The following GPC5 variants were observed in gnomAD, a reference collection of about 807,000 sequenced individuals.
GPC5 encodes the protein glypican-5.
In GPC5, 47 loss-of-function variants were observed where a neutral mutation model predicts 53.9. That is an observed-to-expected ratio of 0.87 (90% confidence interval 0.69 to 1.11). GPC5 has a LOEUF of 1.11. GPC5 is among the 50% of genes most tolerant of loss of function. The pLI is 0.00. For synonymous variants in GPC5, 286 were observed against 263.3 expected, an observed-to-expected ratio of 1.09 and a Z score of -0.84; for missense variants, 748 against 713.1, an observed-to-expected ratio of 1.05 and a Z score of -0.56.
At chr13:92,613,330 A>ATAAATATATAATATATTTATATATAAAT (rs1173655761) in intron 7 of GPC5, among the ~76,000 whole-genome samples, 36 of 99,186 alleles carry the variant, frequency 3.6e-4, no homozygotes, top group African/African-American at 1.4e-3. Flanking sequence ...ATATTTATAT[A>ATAAATATATAATATATTTATATATAAAT]ATATAATATA....
chr13:92,015,279 T>C (rs950892651), intron 6 of GPC5, among the ~76,000 whole-genome samples: 1 of 152,192 alleles, frequency 6.6e-6, no homozygotes, highest in African/African-American at 2.4e-5. Flanking sequence ...AGAAACCCTG[T>C]CTTAGATTGA....
rs180681075 is a variant in GPC5 at position 92,575,821 on chromosome 13, G to T, written c.1562-290461G>T. Among the ~76,000 whole-genome samples, 422 of 152,182 alleles carry T rather than the reference G, an allele frequency of 2.8e-3. 1 individual carries two copies. Among genetic ancestry groups the T allele is most frequent in the African/African-American group, 9.6e-3 (399 of 41,538 alleles). On this transcript the variant is annotated intron_variant, in intron 7 of 7. Coordinates refer to ENST00000377067, the MANE Select transcript of GPC5 (RefSeq NM_004466.6). ...TTAACTCCAGTGTATCTTCAGTCTT[G>T]CCCTAGAAGCCAGATTCAGATTCAG...
chr13:92,673,388 T>C (rs924460696), intron 7 of GPC5, among the ~76,000 whole-genome samples: 1 of 151,970 alleles, frequency 6.6e-6, no homozygotes, highest in African/African-American at 2.4e-5. Flanking sequence ...TTCAAGTGAT[T>C]CTCCTGCCTC....
At chr13:91,871,952 A>G (rs2039150007) in intron 5 of GPC5, among the ~76,000 whole-genome samples, 1 of 152,144 alleles carries the variant, frequency 6.6e-6, no homozygotes, top group Admixed American at 6.6e-5. Context: ...AGGTCACCGA[A>G]GGCAAAATTG....
At chr13:91,621,204 T>C (rs1694861174) in intron 2 of GPC5, among the ~76,000 whole-genome samples, 1 of 152,160 alleles carries the variant, frequency 6.6e-6, no homozygotes, top group Admixed American at 6.5e-5. Flanking sequence ...AAGAACTTTT[T>C]CTAGGCTGAA....
At chr13:92,073,188 T>C (rs535353591) in intron 6 of GPC5, among the ~76,000 whole-genome samples, 2 of 152,352 alleles carry the variant, frequency 1.3e-5, no homozygotes, top group East Asian at 3.9e-4. Context: ...ATTCTTTTCA[T>C]AAGTACATTA....
At chr13:91,872,961 C>A (rs933478540) in intron 5 of GPC5, among the ~76,000 whole-genome samples, 1 of 152,056 alleles carries the variant, frequency 6.6e-6, no homozygotes, top group Non-Finnish European at 1.5e-5. Context: ...CAAGTCATTT[C>A]AAAATATTTT....
chr13:92,536,739 G>C (rs1192232683), intron 7 of GPC5, among the ~76,000 whole-genome samples: 1 of 151,944 alleles, frequency 6.6e-6, no homozygotes, highest in Non-Finnish European at 1.5e-5. Flanking sequence ...GGAGACTGAT[G>C]ATCTGGACAA....
At chr13:91,859,476 T>C (rs61967102) in intron 5 of GPC5, among the ~76,000 whole-genome samples, 28,781 of 151,912 alleles carry the variant, frequency 0.19, 3,035 homozygotes, top group East Asian at 0.31. Context: ...TTGATACATA[T>C]AGACATTGAA....
At chr13:92,066,492 T>C (rs1260159547) in intron 6 of GPC5, among the ~76,000 whole-genome samples, 1 of 151,370 alleles carries the variant, frequency 6.6e-6, no homozygotes, top group Non-Finnish European at 1.5e-5. Flanking sequence ...CAGCTCTTAA[T>C]AGTGTTCCAA....
At chr13:91,420,891 A>C (rs1465476791) in intron 1 of GPC5, among the ~76,000 whole-genome samples, 3 of 152,248 alleles carry the variant, frequency 2.0e-5, no homozygotes, top group Admixed American at 1.3e-4. Flanking sequence ...CTGTGAGTCA[A>C]TTAAACTTGT....
chr13:92,124,366 C>T (rs73626595), intron 6 of GPC5, among the ~76,000 whole-genome samples: 10,533 of 151,760 alleles, frequency 0.069, 1,241 homozygotes, highest in African/African-American at 0.24. Flanking sequence ...GAAGTCACAC[C>T]GTGCAGGAGG....
chr13:92,342,866 C>T (rs2043378742), intron 7 of GPC5, among the ~76,000 whole-genome samples: 1 of 152,098 alleles, frequency 6.6e-6, no homozygotes, highest in Non-Finnish European at 1.5e-5. Flanking sequence ...TCAGAGTTCT[C>T]TTCAGTGTAT....
chr13:91,809,662 T>C (rs2038279176), intron 5 of GPC5, among the ~76,000 whole-genome samples: 1 of 152,100 alleles, frequency 6.6e-6, no homozygotes, highest in African/African-American at 2.4e-5. Context: ...ATAATTGAAT[T>C]CATTTCCCAC....
chr13:92,288,863 G>A (rs542236517), intron 7 of GPC5, among the ~76,000 whole-genome samples: 21 of 152,182 alleles, frequency 1.4e-4, no homozygotes, highest in Non-Finnish European at 2.8e-4. Context: ...ACCATCAACT[G>A]GTTTCATAAA....
At chr13:92,226,541 A>C (rs773561607) in intron 7 of GPC5, among the ~76,000 whole-genome samples, 1 of 152,218 alleles carries the variant, frequency 6.6e-6, no homozygotes, top group Non-Finnish European at 1.5e-5. Context: ...TTGACCAAGA[A>C]GTAAAATGAA....
chr13:92,263,526 T>C (rs533569524), intron 7 of GPC5, among the ~76,000 whole-genome samples: 1 of 152,200 alleles, frequency 6.6e-6, no homozygotes, highest in Non-Finnish European at 1.5e-5. Context: ...ATTCCCTTCT[T>C]AGATCATTTA....
chr13:92,458,538 T>C (rs1490087052), intron 7 of GPC5, among the ~76,000 whole-genome samples: 1 of 152,106 alleles, frequency 6.6e-6, no homozygotes, highest in East Asian at 1.9e-4. Context: ...CCTCAGGTGA[T>C]CTGCCTGCTT....
At chr13:91,997,597 C>T (rs759387856) in intron 6 of GPC5, among the ~76,000 whole-genome samples, 11 of 152,168 alleles carry the variant, frequency 7.2e-5, no homozygotes, top group Non-Finnish European at 1.6e-4. Flanking sequence ...CAGCTCACTG[C>T]AACCTCCGCC....
Sources: allele counts gnomAD v4.1 joint callset (sites outside exome capture counted in the v4.1 genomes callset), GRCh38; gene constraint gnomAD v4.1.1; transcripts MANE v1.5; gene names NCBI Gene and HGNC (gene_info 2026-07-23, HGNC 2026-07-21).